Variants in CATSPERD observed in about 807,000 individuals in gnomAD.
CATSPERD encodes the protein cation channel sperm-associated auxiliary subunit delta.
Under a neutral mutation model 98.1 loss-of-function variants are expected in CATSPERD, and 86 were observed. That is an observed-to-expected ratio of 0.88 (90% CI 0.74 to 1.05). CATSPERD has a LOEUF of 1.05. Among genes scored for constraint, CATSPERD ranks in the 50% least tolerant of loss-of-function variants. The probability of loss-of-function intolerance (pLI) is 0.00; values close to 1 mark genes in which losing one functional copy is unlikely to be tolerated. For missense variants in CATSPERD, 995 were observed against 1,005.7 expected (o/e 0.99, Z 0.14); for synonymous variants, 394 against 390.2 (o/e 1.01, Z -0.12).
At chr19:5,723,974 G>A (rs2055553896) in intron 1 of CATSPERD, among the ~76,000 whole-genome samples, 1 of 151,816 alleles carries the variant, frequency 6.6e-6, no homozygotes, top group South Asian at 2.1e-4. Context: ...TGTATATTTA[G>A]TAGAGACAGG....
intron 19 of CATSPERD, among the ~76,000 whole-genome samples, chr19:5,771,353 A>G (rs1222282978): frequency 6.6e-6 from 1 of 151,952 alleles, no homozygotes; most frequent in Non-Finnish European, 1.5e-5. Flanking sequence ...GGCTCAAGCG[A>G]TCCTCCCACC....
In CATSPERD at chr19:5,778,367, C is replaced by G. The variant is rs758919200; in HGVS notation, c.2097-9C>G. 1.0e-5 allele frequency: 16 copies of G among 1,594,282 alleles called. No homozygotes were observed. The highest frequency in any genetic ancestry group is 1.3e-5 in the Non-Finnish European group (15 of 1,167,518). On this transcript the variant is annotated splice_polypyrimidine_tract_variant and intron_variant, in intron 21 of 21. Transcript: ENST00000381624. ...CCCAACAGCCTCTCCCCGCCTCCCC[C>G]CACCGCAGCTACTGTCAACTGGAGA...
At chr19:5,737,834 G>A (rs1465902676) in intron 6 of CATSPERD, among the ~76,000 whole-genome samples, 1 of 145,412 alleles carries the variant, frequency 6.9e-6, no homozygotes, top group African/African-American at 2.6e-5. Flanking sequence ...TGGGCAACAA[G>A]AGTGAAACTC....
intron 5 of CATSPERD, 33 bp from the exon 6 acceptor site, chr19:5,737,105 C>T (rs768860645): frequency 3.5e-6 from 5 of 1,433,968 alleles, no homozygotes; most frequent in African/African-American, 2.8e-5. Context: ...TCAGGGAACT[C>T]ATAAACATTT....
At chr19:5,777,880 AAAAC>A (rs1451706210) in intron 21 of CATSPERD, among the ~76,000 whole-genome samples, 1 of 151,696 alleles carries the variant, frequency 6.6e-6, no homozygotes. Context: ...ACCGTTTCAA[AAAAC>A]AAACAAAACA....
chr19:5,775,259 G>A (rs2056719511), intron 20 of CATSPERD: 3 of 471,276 alleles, frequency 6.4e-6, no homozygotes, highest in Non-Finnish European at 1.3e-5. Context: ...TAAAGAAGAG[G>A]CATGGGGAAG....
chr19:5,773,382 G>A (rs2056686104), intron 20 of CATSPERD, among the ~76,000 whole-genome samples: 3 of 152,142 alleles, frequency 2.0e-5, no homozygotes. Flanking sequence ...GAGGATTTAA[G>A]GAACTGACCG....
chr19:5,733,859 G>A lies in CATSPERD; in HGVS notation c.280G>A (p.Gly94Ser), dbSNP rs115871466. The A allele has an allele frequency of 1.1e-3, 1,770 of 1,605,358 alleles. 19 individuals are homozygous for A. The African/African-American group carries it at 0.02, about 18-fold the overall frequency. Residue 94 changes from glycine to serine, a missense_variant, in exon 5 of 22, where the codon GGC (glycine) becomes AGC (serine). Gly to Ser is a moderately conservative substitution (Grantham distance 56). Around this residue, in one of 3 missense-constraint regions of CATSPERD, gnomAD observed 228 missense variants for 209.6 expected, o/e 1.09. Transcript: ENST00000381624. ...PFTIPTSMQV[G>S]VPEVTSAHFA... ...TCATCCATATGATAACTTTTAGGTC[G>A]GCGTACCAGAAGTGACATCAGCACA...
chr19:5,772,274 C>T (rs2056662571), intron 19 of CATSPERD: 2 of 217,198 alleles, frequency 9.2e-6, no homozygotes, highest in South Asian at 3.8e-5. Context: ...GTCGCCCAGG[C>T]TGGAGTGCAG....
At chr19:5,720,868 C>T in intron 1 of CATSPERD, 60 bp downstream of exon 1, 3 of 1,433,572 alleles carry the variant, frequency 2.1e-6, no homozygotes, top group Non-Finnish European at 2.8e-6. Flanking sequence ...GGTGCTGGTT[C>T]ATCTTGGAGC....
chr19:5,762,058 A>ATTTTTTTTTTTT (rs869295948), intron 15 of CATSPERD, among the ~76,000 whole-genome samples: 6 of 10,432 alleles, frequency 5.8e-4, no homozygotes, highest in Admixed American at 1.4e-3. Flanking sequence ...ATATATATAT[A>ATTTTTTTTTTTT]TTTTTTTTTT....
chr19:5,750,783 G>A (rs1306452189), intron 11 of CATSPERD, among the ~76,000 whole-genome samples: 1 of 151,986 alleles, frequency 6.6e-6, no homozygotes, highest in East Asian at 1.9e-4. Context: ...AAGCTGAAGA[G>A]AAGTTAGATC....
intron 21 of CATSPERD, among the ~76,000 whole-genome samples, chr19:5,778,173 C>G (rs947700939): frequency 6.7e-6 from 1 of 148,874 alleles, no homozygotes; most frequent in Non-Finnish European, 1.5e-5. Flanking sequence ...TGCCACTGCA[C>G]TCCAGCCTGG....
intron 16 of CATSPERD, among the ~76,000 whole-genome samples, chr19:5,763,865 T>TTTTTTTTGTTTTTTTTTTTTTTTTTTTTG (rs2056489879): frequency 6.9e-6 from 1 of 144,104 alleles, no homozygotes; most frequent in Non-Finnish European, 1.5e-5. Flanking sequence ...TTTTTTTTTT[T>TTTTTTTTGTTTTTTTTTTTTTTTTTTTTG]GACATGGAGT....
intron 11 of CATSPERD, among the ~76,000 whole-genome samples, chr19:5,750,393 G>C (rs1464255935): frequency 2.1e-5 from 3 of 142,278 alleles, no homozygotes; most frequent in Non-Finnish European, 4.5e-5. Flanking sequence ...GGAGCTTGCA[G>C]TGAGCAGAGA....
intron 5 of CATSPERD, among the ~76,000 whole-genome samples, chr19:5,735,713 T>G (rs1287176116): frequency 6.6e-6 from 1 of 151,840 alleles, no homozygotes; most frequent in Admixed American, 6.6e-5. Flanking sequence ...TACCTCGTGA[T>G]CCTGTCACCT....
At chr19:5,768,274 C>G in intron 18 of CATSPERD, 32 bp downstream of exon 18, 2 of 1,586,604 alleles carry the variant, frequency 1.3e-6, no homozygotes, top group African/African-American at 1.3e-5. Flanking sequence ...ACACCTGACA[C>G]CCAAGGCGAC....
intron 10 of CATSPERD, among the ~76,000 whole-genome samples, chr19:5,748,638 A>G (rs2056142993): frequency 6.6e-6 from 1 of 151,422 alleles, no homozygotes; most frequent in Non-Finnish European, 1.5e-5. Flanking sequence ...AAAAAAAAAA[A>G]AAAAGCTTCA....
chr19:5,739,322 A>G lies in CATSPERD; in HGVS notation c.460-4A>G. 3 of 1,344,386 alleles carry G rather than the reference A, an allele frequency of 2.2e-6. No individual in the cohort carries two copies. The highest frequency in any genetic ancestry group is 3.1e-6 in the Non-Finnish European group (3 of 968,282). The allele number at this position is 1,344,386 out of a possible 1,614,324, so 83.3% of individuals were successfully genotyped here. A position where few individuals can be genotyped will look rare whatever the true frequency, so the allele number is the denominator to read the frequency against. On this transcript the variant is annotated splice_region_variant and splice_polypyrimidine_tract_variant and intron_variant, in intron 6 of 21. Transcript: ENST00000381624. ...CATTCTTTCTTTCTTTTTTTTTTTT[A>G]TAGCATGTCAGTAATTTGGTTTTTG... is the stretch of plus-strand genomic sequence containing the variant.
Sources: gnomAD v4.1 joint callset for allele counts (sites outside exome capture counted in the v4.1 genomes callset) on GRCh38, gnomAD v4.1.1 for gene constraint, gnomAD v4.1.1 regional missense constraint, MANE v1.5 for transcripts, NCBI Gene and HGNC (gene_info 2026-07-23, HGNC 2026-07-21) for gene names.